SPEN: variants seen among roughly 807,000 people sequenced by gnomAD.
The protein encoded by SPEN is msx2-interacting protein.
A neutral mutation model predicts 269.9 loss-of-function variants in SPEN; 18 were observed. That is an observed-to-expected ratio of 0.07 (90% CI 0.05 to 0.10). The LOEUF is 0.10. Ranked by LOEUF, SPEN falls within the 10% of genes least tolerant of loss-of-function variation. The pLI, the probability that SPEN is intolerant of heterozygous loss-of-function variation, is 1.00. For synonymous variants in SPEN, 1,726 were observed against 1,765.7 expected, an observed-to-expected ratio of 0.98 and a Z score of 0.56; for missense variants, 3,822 against 4,631.2, an observed-to-expected ratio of 0.83 and a Z score of 5.07.
At chr1:15,910,975 A>G in intron 4 of SPEN, 126 bp from the exon 5 acceptor site, 2 of 735,288 alleles carry the variant, frequency 2.7e-6, no homozygotes, top group Non-Finnish European at 4.5e-6. Context: ...TTGTTATGAC[A>G]TTAGTATATT....
intron 3 of SPEN, among the ~76,000 whole-genome samples, chr1:15,908,698 G>A (rs2070984624): frequency 6.6e-6 from 1 of 152,210 alleles, no homozygotes; most frequent in Non-Finnish European, 1.5e-5. Context: ...ACAGGCGTGA[G>A]CCACTGAGCC....
At chr1:15,908,445 TG>T (rs1238728192) in intron 3 of SPEN, among the ~76,000 whole-genome samples, 16 of 151,802 alleles carry the variant, frequency 1.1e-4, no homozygotes, top group Non-Finnish European at 1.6e-4. Flanking sequence ...TTTTCTAAGA[TG>T]GAGTCTTGCT....
At chr1:15,899,059 C>T (rs984739409) in intron 3 of SPEN, among the ~76,000 whole-genome samples, 1 of 151,978 alleles carries the variant, frequency 6.6e-6, no homozygotes, top group Non-Finnish European at 1.5e-5. Context: ...ATAGTGGAAT[C>T]GCTGGTTCAG....
chr1:15,907,343 A>G (rs940718600), intron 3 of SPEN, among the ~76,000 whole-genome samples: 2 of 151,960 alleles, frequency 1.3e-5, no homozygotes, highest in Non-Finnish European at 1.5e-5. Flanking sequence ...ATAGCTGGGC[A>G]TGGTGGTGCG....
intron 3 of SPEN, among the ~76,000 whole-genome samples, chr1:15,896,966 G>A (rs186515290): frequency 4.6e-5 from 7 of 152,184 alleles, no homozygotes; most frequent in African/African-American, 9.6e-5. Flanking sequence ...AGACCTTGTC[G>A]TGAAAGAAAA....
intron 1 of SPEN, among the ~76,000 whole-genome samples, chr1:15,856,714 C>G (rs2070391842): frequency 6.6e-6 from 1 of 151,440 alleles, no homozygotes; most frequent in Admixed American, 6.6e-5. Context: ...ATTACAGGCG[C>G]CCACCACCAT....
chr1:15,905,540 ACTT>A (rs1401579153), intron 3 of SPEN, among the ~76,000 whole-genome samples: 1 of 150,362 alleles, frequency 6.7e-6, no homozygotes, highest in Non-Finnish European at 1.5e-5. Context: ...TATAATACAA[ACTT>A]GTGTAGAACT....
chr1:15,861,137 T>C (rs1390204590), intron 1 of SPEN, among the ~76,000 whole-genome samples: 1 of 151,110 alleles, frequency 6.6e-6, no homozygotes, highest in African/African-American at 2.4e-5. Context: ...TGAGTGACTT[T>C]TTTTTTTTTT....
chr1:15,902,705 A>G (rs2070915474), intron 3 of SPEN, among the ~76,000 whole-genome samples: 1 of 152,228 alleles, frequency 6.6e-6, no homozygotes. Flanking sequence ...TAGAAATTAG[A>G]TAAGGACCAG....
chr1:15,899,821 A>G (rs993313196), intron 3 of SPEN, among the ~76,000 whole-genome samples: 2 of 151,606 alleles, frequency 1.3e-5, no homozygotes, highest in African/African-American at 4.8e-5. Context: ...TGTGGTTTCT[A>G]TGGTTGTTGT....
At position 15,922,244 on chromosome 1, in the gene SPEN, T is replaced by C; in HGVS notation, c.1750-5T>C. ...TGCATCAAACACCTCTTTTTTTTTT[T>C]AAAGGTGGATTTTGCAAATCGGGAA... On this transcript the variant is annotated splice_region_variant and splice_polypyrimidine_tract_variant and intron_variant, in intron 9 of 14. Transcript: ENST00000375759. 6.3e-7 allele frequency: 1 copy of C among 1,578,486 alleles called. No homozygotes were observed. The highest frequency in any genetic ancestry group is 2.2e-5 in the East Asian group (1 of 44,592).
At chr1:15,890,993 G>A (rs982055691) in intron 3 of SPEN, among the ~76,000 whole-genome samples, 1 of 152,154 alleles carries the variant, frequency 6.6e-6, no homozygotes, top group African/African-American at 2.4e-5. Flanking sequence ...CATGTGACTA[G>A]TGGCTGCAGT....
chr1:15,932,654 A>C lies in SPEN; in HGVS notation c.6414A>C (p.Lys2138Asn), dbSNP rs1290490683. The C allele has an allele frequency of 6.2e-7, 1 of 1,613,348 alleles. No homozygotes were observed. Among genetic ancestry groups the C allele is most frequent in the Non-Finnish European group, 8.5e-7 (1 of 1,179,572 alleles). Residue 2138 changes from lysine (K) to asparagine (N), a missense_variant, in exon 11 of 15, where the codon AAA becomes AAC. Transcript: ENST00000375759. This position sits in a 1 kb window ranked among gnomAD's most constrained non-coding sequence, Gnocchi z 4.2. ...QKEDGLSSQL[K>N]SDPVDPDKEP... ...AGGATGGTTTATCATCCCAGTTGAA[A>C]AGTGATCCAGTTGATCCAGACAAGG...
intron 1 of SPEN, among the ~76,000 whole-genome samples, chr1:15,862,913 C>T (rs559400542): frequency 3.4e-4 from 52 of 152,072 alleles, no homozygotes; most frequent in Admixed American, 7.2e-4. Context: ...AGGTGCCCAC[C>T]ACCATTCCTG....
intron 10 of SPEN, among the ~76,000 whole-genome samples, chr1:15,925,911 T>G (rs1371359169): frequency 2.0e-5 from 3 of 152,218 alleles, no homozygotes; most frequent in East Asian, 1.9e-4. Context: ...AAGTATGTAT[T>G]TATGGTGGTA....
At position 15,935,519 on chromosome 1, in the gene SPEN, C is replaced by T. The variant is rs1009567409; in HGVS notation, c.9279C>T (p.Leu3093=). The change falls in exon 11 of 15, where the codon CTC becomes CTT. Residue 3093 remains leucine, a synonymous_variant. Coordinates refer to ENST00000375759, the MANE Select transcript of SPEN (RefSeq NM_015001.3). The surrounding 1 kb of genome is among the most constrained non-coding windows in gnomAD (Gnocchi z 7.7). ...CCCAGACTGTGTCCCTGAGCCACCT[C>T]TCCCAGGGCGAGGTGAGAATGAACA... The part of the protein sequence containing the change: ...SITQTVSLSH[L]SQGEVRMNTP... The T allele has an allele frequency of 1.2e-6, 2 of 1,614,024 alleles. No homozygotes were observed. The highest frequency in any genetic ancestry group is 1.7e-6 in the Non-Finnish European group (2 of 1,180,024).
At chr1:15,885,202 ATTCT>A (rs1436778989) in intron 3 of SPEN, among the ~76,000 whole-genome samples, 2 of 151,904 alleles carry the variant, frequency 1.3e-5, no homozygotes, top group African/African-American at 4.8e-5. Context: ...TAGCTTTGTG[ATTCT>A]TTATTTTTTT....
intron 13 of SPEN, 50 bp from the exon 14 acceptor site, chr1:15,938,668 G>T (rs767291210): frequency 6.4e-7 from 1 of 1,574,070 alleles, no homozygotes; most frequent in Admixed American, 1.7e-5. Flanking sequence ...GATGTGGGCT[G>T]CTGTTTGACT....
Position 15,930,874 on chromosome 1 carries a change from A to G in SPEN, c.4634A>G (p.His1545Arg). ...IFEQDSKRLQHLERKEEDSDF... is the reference protein window; with the variant it reads ...IFEQDSKRLQRLERKEEDSDF... ...GAACAAGATTCCAAGCGATTGCAGC[A>G]TCTAGAGAGAAAAGAGGAAGATTCT... Residue 1545 changes from histidine to arginine, a missense_variant, in exon 11 of 15, where the codon CAT (histidine) becomes CGT (arginine). This residue lies in a region of SPEN where 533 missense variants were observed against 618.8 expected (regional missense o/e 0.86). Coordinates refer to ENST00000375759, the MANE Select transcript of SPEN (RefSeq NM_015001.3). This position sits in a 1 kb window ranked among gnomAD's most constrained non-coding sequence, Gnocchi z 5.3. 1 of 1,614,122 alleles carries G rather than the reference A, an allele frequency of 6.2e-7. No individual in the cohort carries two copies. The highest frequency in any genetic ancestry group is 1.6e-4 in the Middle Eastern group (1 of 6,062).
Sources: allele counts gnomAD v4.1 joint callset (sites outside exome capture counted in the v4.1 genomes callset), GRCh38; gene constraint gnomAD v4.1.1; regional missense constraint gnomAD v4.1.1; non-coding constraint Gnocchi (gnomAD v3.1); transcripts MANE v1.5; gene names NCBI Gene and HGNC (gene_info 2026-07-23, HGNC 2026-07-21).